Variants in KDM1B observed in about 807,000 individuals in gnomAD.
The protein encoded by KDM1B is lysine demethylase 1B.
Under a neutral mutation model 107.4 loss-of-function variants are expected in KDM1B, and 63 were observed. The observed-to-expected ratio is 0.59, with a 90% CI of 0.48 to 0.72. KDM1B has a LOEUF of 0.72. Among genes scored for constraint, KDM1B ranks in the 30% least tolerant of loss-of-function variants. The probability of loss-of-function intolerance (pLI) is 0.00; values close to 1 mark genes in which losing one functional copy is unlikely to be tolerated. For missense variants in KDM1B, 749 were observed against 1,020.8 expected (o/e 0.73, Z 3.63); for synonymous variants, 363 against 363.9 (o/e 1.00, Z 0.03).
chr6:18,167,363 GAA>G (rs968104118), intron 6 of KDM1B, among the ~76,000 whole-genome samples: 2 of 146,576 alleles, frequency 1.4e-5, no homozygotes, highest in African/African-American at 5.0e-5. Context: ...CTCAAAAAAA[GAA>G]AAAAAAAATT....
chr6:18,194,003 A>G (rs1213110922), intron 10 of KDM1B, among the ~76,000 whole-genome samples: 2 of 151,846 alleles, frequency 1.3e-5, no homozygotes, highest in Non-Finnish European at 2.9e-5. Flanking sequence ...CCTCCTGAGT[A>G]GCTGGGATTA....
chr6:18,171,570 T>C, intron 7 of KDM1B, 91 bp downstream of exon 7: 1 of 762,182 alleles, frequency 1.3e-6, no homozygotes, highest in East Asian at 2.5e-5. Context: ...ATTGTGTTGA[T>C]CATTCTGTCA....
At chr6:18,210,358 T>TTTG (rs1788762465) in intron 17 of KDM1B, among the ~76,000 whole-genome samples, 3 of 90,344 alleles carry the variant, frequency 3.3e-5, no homozygotes, top group Non-Finnish European at 6.1e-5. Context: ...TTTTTTTTTT[T>TTTG]TTTTTTTTTT....
At chr6:18,194,782 C>T (rs547601930) in intron 10 of KDM1B, among the ~76,000 whole-genome samples, 2 of 152,278 alleles carry the variant, frequency 1.3e-5, no homozygotes, top group South Asian at 4.1e-4. Context: ...GGATTACAGG[C>T]ATGAGCCACC....
At position 18,222,067 on chromosome 6, in the gene KDM1B, A is replaced by C; in HGVS notation, c.*75A>C. ...ATCACATGTTAAACCTCAGTTTTAT[A>C]AGAGGGGGAAAAAACCGTCTCTACA... On this transcript the variant is annotated 3_prime_UTR_variant, in exon 22 of 22. Coordinates refer to ENST00000650836, the MANE Select transcript of KDM1B (RefSeq NM_001364614.2). The C allele has an allele frequency of 7.6e-7, 1 of 1,324,182 alleles. No individual in the cohort carries two copies. Among genetic ancestry groups the C allele is most frequent in the East Asian group, 2.3e-5 (1 of 43,456 alleles). The allele number at this position is 1,324,182 out of a possible 1,614,324, so 82.0% of individuals were successfully genotyped here. A position where few individuals can be genotyped will look rare whatever the true frequency, so the allele number is the denominator to read the frequency against.
intron 7 of KDM1B, among the ~76,000 whole-genome samples, chr6:18,171,995 A>C (rs1785694231): frequency 6.6e-6 from 1 of 152,088 alleles, no homozygotes; most frequent in East Asian, 1.9e-4. Context: ...TTTTTTTGCT[A>C]GTTTTGGTTT....
At position 18,171,320 on chromosome 6, in the gene KDM1B, G is replaced by A. The variant is rs772397480; in HGVS notation, c.418-43G>A. The A allele has an allele frequency of 3.1e-6, 3 of 961,416 alleles. No individual in the cohort carries two copies. The Admixed American group carries it at 5.1e-5, about 16-fold the overall frequency. The allele number at this position is 961,416 out of a possible 1,614,324, so 59.6% of individuals were successfully genotyped here. A position where few individuals can be genotyped will look rare whatever the true frequency, so the allele number is the denominator to read the frequency against. On this transcript the variant is annotated intron_variant, in intron 6 of 21. Transcript: ENST00000650836. ...GTGGAGGATAGAAATGGTAACTGAA[G>A]ATTAGCTCACTTGTTCATCTTGACT...
intron 5 of KDM1B, among the ~76,000 whole-genome samples, chr6:18,165,316 GA>G (rs754451440): frequency 6.6e-6 from 1 of 151,536 alleles, no homozygotes; most frequent in African/African-American, 2.4e-5. Context: ...ATTTTTAGTA[GA>G]GACGGGGTTT....
rs759095763 is a variant in KDM1B at position 18,162,346 on chromosome 6, TAAAC to T, written c.216-487_216-484del. Among the ~76,000 whole-genome samples the T allele has an allele frequency of 6.6e-6, 1 of 152,124 alleles. No homozygotes were observed. The highest frequency in any genetic ancestry group is 1.5e-5 in the Non-Finnish European group (1 of 68,002). On this transcript the variant is annotated intron_variant, in intron 4 of 21. Transcript: ENST00000650836. The surrounding 1 kb of genome is among the most constrained non-coding windows in gnomAD (Gnocchi z 4.1). ...CAAATAAATAAAAAAATATTAAAAA[TAAAC>T]ACAAAGACGTGGTGATCGTGTTCAT...
Position 18,213,971 on chromosome 6 carries a change from T to G in KDM1B, c.2109+190T>G, listed in dbSNP as rs539188636. Among the ~76,000 whole-genome samples the G allele has an allele frequency of 6.6e-6, 1 of 152,196 alleles. No homozygotes were observed. Among genetic ancestry groups the G allele is most frequent in the African/African-American group, 2.4e-5 (1 of 41,436 alleles). ...AAGGAGCCCCAGTATTTGCCATGTC[T>G]TCTTAAAGTCCTCATGTTGCTCCCT... On this transcript the variant is annotated intron_variant, in intron 19 of 21. Transcript: ENST00000650836. This position sits in a 1 kb window ranked among gnomAD's most constrained non-coding sequence, Gnocchi z 5.9.
In KDM1B at chr6:18,204,502, C is replaced by T. The variant is rs986416684; in HGVS notation, c.1532-1035C>T. On this transcript the variant is annotated intron_variant, in intron 14 of 21. Coordinates refer to ENST00000650836, the MANE Select transcript of KDM1B (RefSeq NM_001364614.2). This position sits in a 1 kb window ranked among gnomAD's most constrained non-coding sequence, Gnocchi z 4.9. Reference sequence around the variant, plus strand: ...AAAAAAAAGAAAAAGAAAACACCACCAGAAAAAGAAACGTGGAGTCTGTGA... The same window carrying T: ...AAAAAAAAGAAAAAGAAAACACCACTAGAAAAAGAAACGTGGAGTCTGTGA... Among the ~76,000 whole-genome samples, 3 of 152,022 alleles carry T rather than the reference C, an allele frequency of 2.0e-5. No individual in the cohort carries two copies. The highest frequency in any genetic ancestry group is 4.8e-5 in the African/African-American group (2 of 41,386).
rs1195296576 is a variant in KDM1B, at chr6:18,155,865, T to C, written c.-57-18T>C. 1 of 152,160 alleles carries C rather than the reference T, an allele frequency of 6.6e-6. No individual in the cohort carries two copies. Among genetic ancestry groups the C allele is most frequent in the Non-Finnish European group, 1.5e-5 (1 of 68,088 alleles). 9.4% of individuals were successfully genotyped at this position (152,160 alleles called of 1,614,324 possible). A position where few individuals can be genotyped will look rare whatever the true frequency, so the allele number is the denominator to read the frequency against. ...TGCCGGTCGGCTAACCCCCCTACAA[T>C]GTTTCCTTTCTGTACAGCGGTGCCT... On this transcript the variant is annotated intron_variant, in intron 1 of 21. Transcript: ENST00000650836. This position sits in a 1 kb window ranked among gnomAD's most constrained non-coding sequence, Gnocchi z 6.2.
chr6:18,166,853 C>CAAA (rs770821976), intron 6 of KDM1B, among the ~76,000 whole-genome samples: 1 of 128,424 alleles, frequency 7.8e-6, no homozygotes, highest in Admixed American at 8.0e-5. Flanking sequence ...GAGGCTGTCT[C>CAAA]AAAAAAAAAA....
In KDM1B at chr6:18,208,122, T is replaced by C. The variant is rs1290020304; in HGVS notation, c.1792-10T>C. On this transcript the variant is annotated splice_polypyrimidine_tract_variant and intron_variant, in intron 16 of 21. Transcript: ENST00000650836. The stretch of plus-strand genomic sequence containing the variant: ...TCCCTCACTTTTTTTCATAATTGCT[T>C]TTTGAGCAGGTGCAGTGTATTGATT... 2 of 1,610,140 alleles carry C rather than the reference T, an allele frequency of 1.2e-6. No individual in the cohort carries two copies. Among genetic ancestry groups the C allele is most frequent in the East Asian group, 4.5e-5 (2 of 44,832 alleles).
rs770254562 is a variant in KDM1B, at chr6:18,162,965, A to G, written c.305+41A>G. On this transcript the variant is annotated intron_variant, in intron 5 of 21. Coordinates refer to ENST00000650836, the MANE Select transcript of KDM1B (RefSeq NM_001364614.2). The surrounding 1 kb of genome is among the most constrained non-coding windows in gnomAD (Gnocchi z 4.1). ...GTGTGAGGTTTCCCTGGAGAAGGGG[A>G]CCGTGGCAGGGGCAGTGCGTGTGGT... 1 of 1,260,856 alleles carries G rather than the reference A, an allele frequency of 7.9e-7. No individual in the cohort carries two copies. Among genetic ancestry groups the G allele is most frequent in the Non-Finnish European group, 1.2e-6 (1 of 857,600 alleles). The allele number at this position is 1,260,856 out of a possible 1,614,324, so 78.1% of individuals were successfully genotyped here.
At position 18,172,727 on chromosome 6, in the gene KDM1B, C is replaced by T. The variant is rs1206713389; in HGVS notation, c.534+1248C>T. 2.0e-5 allele frequency among the ~76,000 whole-genome samples: 3 copies of T among 152,030 alleles called. No individual in the cohort carries two copies. The highest frequency in any genetic ancestry group is 7.2e-5 in the African/African-American group (3 of 41,418). ...AAAATATAAACATAATATTCTATTT[C>T]ATTATATTTATAATAAACTATATAG... On this transcript the variant is annotated intron_variant, in intron 7 of 21. Transcript: ENST00000650836. The surrounding 1 kb of genome is among the most constrained non-coding windows in gnomAD (Gnocchi z 5.2).
Position 18,209,562 on chromosome 6 carries a change from G to A in KDM1B, c.1866+1356G>A, listed in dbSNP as rs1303470005. Among the ~76,000 whole-genome samples, 2 of 152,126 alleles carry A rather than the reference G, an allele frequency of 1.3e-5. No homozygotes were observed. Reference sequence around the variant, plus strand: ...TGGGAGGCGCTTACAAAGAAAGGCTGGAAAGCCCCACCCTGATGCGTTCTT... The same window carrying A: ...TGGGAGGCGCTTACAAAGAAAGGCTAGAAAGCCCCACCCTGATGCGTTCTT... On this transcript the variant is annotated intron_variant, in intron 17 of 21. Coordinates refer to ENST00000650836, the MANE Select transcript of KDM1B (RefSeq NM_001364614.2). The surrounding 1 kb of genome is among the most constrained non-coding windows in gnomAD (Gnocchi z 4.3).
intron 5 of KDM1B, among the ~76,000 whole-genome samples, chr6:18,165,919 T>A (rs1032208509): frequency 5.2e-4 from 79 of 152,202 alleles, no homozygotes; most frequent in African/African-American, 1.9e-3. Context: ...AGCTTGGGAG[T>A]TCGAGGTTGC....
At position 18,200,495 on chromosome 6, in the gene KDM1B, T is replaced by C; in HGVS notation, c.1278T>C (p.Ser426=). The C allele has an allele frequency of 6.2e-7, 1 of 1,614,152 alleles. No individual in the cohort carries two copies. Among genetic ancestry groups the C allele is most frequent in the Non-Finnish European group, 8.5e-7 (1 of 1,180,012 alleles). ...GAGGCCGAGTCTGGGATGATAAATC[T>C]TTTAAAGGCGTCACAGTGGGAAGAG... ...RIGGRVWDDK[S]FKGVTVGRGA... Residue 426 remains serine, a synonymous_variant, in exon 13 of 22, where the codon TCT becomes TCC. Transcript: ENST00000650836. This position sits in a 1 kb window ranked among gnomAD's most constrained non-coding sequence, Gnocchi z 4.3.
Sources: allele counts gnomAD v4.1 joint callset (sites outside exome capture counted in the v4.1 genomes callset), GRCh38; gene constraint gnomAD v4.1.1; non-coding constraint Gnocchi (gnomAD v3.1); transcripts MANE v1.5; gene names NCBI Gene and HGNC (gene_info 2026-07-23, HGNC 2026-07-21).